PARD3B: variants seen among roughly 807,000 people sequenced by gnomAD.
PARD3B encodes par-3 family cell polarity regulator beta.
Under a neutral mutation model 130.2 loss-of-function variants are expected in PARD3B, and 103 were observed. That is an observed-to-expected ratio of 0.79 (90% confidence interval 0.67 to 0.93). The LOEUF is 0.93. Ranked by LOEUF, PARD3B falls within the 40% of genes least tolerant of loss-of-function variation. The pLI, the probability that PARD3B is intolerant of heterozygous loss-of-function variation, is 0.00. For synonymous variants in PARD3B, 583 were observed against 553.2 expected, an observed-to-expected ratio of 1.05 and a Z score of -0.76; for missense variants, 1,609 against 1,499.2, an observed-to-expected ratio of 1.07 and a Z score of -1.21.
chr2:204,587,004 T>C (rs2032854492), intron 1 of PARD3B, among the ~76,000 whole-genome samples: 1 of 152,174 alleles, frequency 6.6e-6, no homozygotes, highest in African/African-American at 2.4e-5. Flanking sequence ...TGCTAGATAA[T>C]GGCACAAAAC....
intron 19 of PARD3B, among the ~76,000 whole-genome samples, chr2:205,429,559 C>G (rs896502636): frequency 6.6e-6 from 1 of 152,070 alleles, no homozygotes; most frequent in Non-Finnish European, 1.5e-5. Context: ...AGTTTGTCTC[C>G]TTAGCATTAC....
intron 1 of PARD3B, among the ~76,000 whole-genome samples, chr2:204,607,965 T>A (rs2033786559): frequency 6.6e-6 from 1 of 152,164 alleles, no homozygotes. Flanking sequence ...GAACCCTCAG[T>A]CTAGAATGAT....
At chr2:205,396,399 C>G (rs552919843) in intron 18 of PARD3B, among the ~76,000 whole-genome samples, 1 of 152,152 alleles carries the variant, frequency 6.6e-6, no homozygotes. Context: ...CTAGTGGATA[C>G]CTAATAAATA....
rs1363516764 is a variant in PARD3B at position 205,550,579 on chromosome 2, T to G, written c.3181-2745T>G. ...CTCCAGGCCTCACCTGTGCTACTGC[T>G]GATAACATCCTGAATGGCACTTGAA... On this transcript the variant is annotated intron_variant, in intron 21 of 22. Transcript: ENST00000406610. The surrounding 1 kb of genome is among the most constrained non-coding windows in gnomAD (Gnocchi z 4.5). Among the ~76,000 whole-genome samples, 1 of 152,178 alleles carries G rather than the reference T, an allele frequency of 6.6e-6. No individual in the cohort carries two copies. Among genetic ancestry groups the G allele is most frequent in the Non-Finnish European group, 1.5e-5 (1 of 68,046 alleles).
At chr2:204,736,830 T>C (rs1303974517) in intron 2 of PARD3B, among the ~76,000 whole-genome samples, 1 of 152,210 alleles carries the variant, frequency 6.6e-6, no homozygotes, top group Non-Finnish European at 1.5e-5. Flanking sequence ...TAGATCTACT[T>C]TTATCTCTTT....
intron 16 of PARD3B, among the ~76,000 whole-genome samples, chr2:205,271,481 A>T (rs77777387): frequency 0.013 from 1,919 of 152,330 alleles, 48 homozygotes; most frequent in African/African-American, 0.044. Context: ...TGCCATACAT[A>T]TACACACACA....
chr2:204,744,556 G>T (rs2040138980), intron 2 of PARD3B, among the ~76,000 whole-genome samples: 2 of 152,150 alleles, frequency 1.3e-5, no homozygotes, highest in Admixed American at 6.6e-5. Context: ...GAGAGAGAGG[G>T]TTTAATGGCT....
At chr2:204,893,758 A>T (rs13033719) in intron 2 of PARD3B, among the ~76,000 whole-genome samples, 4 of 152,040 alleles carry the variant, frequency 2.6e-5, no homozygotes, top group Non-Finnish European at 4.4e-5. Context: ...TAGCCACATC[A>T]CAAGTGTTCA....
intron 1 of PARD3B, among the ~76,000 whole-genome samples, chr2:204,594,134 G>C (rs1302808363): frequency 6.6e-6 from 1 of 152,144 alleles, no homozygotes; most frequent in African/African-American, 2.4e-5. Flanking sequence ...AAAGGAGTTG[G>C]CAAGGTTATC....
At chr2:205,319,678 A>G (rs1343741648) in intron 18 of PARD3B, among the ~76,000 whole-genome samples, 1 of 152,118 alleles carries the variant, frequency 6.6e-6, no homozygotes, top group Non-Finnish European at 1.5e-5. Flanking sequence ...TTGGGCACCA[A>G]ATTTGCTGCT....
intron 2 of PARD3B, among the ~76,000 whole-genome samples, chr2:204,804,259 A>G (rs1368337739): frequency 6.6e-6 from 1 of 152,100 alleles, no homozygotes; most frequent in Non-Finnish European, 1.5e-5. Flanking sequence ...CAAGAAACAC[A>G]GTTTACCTAT....
chr2:204,570,425 G>T (rs553307854), intron 1 of PARD3B, among the ~76,000 whole-genome samples: 1 of 152,332 alleles, frequency 6.6e-6, no homozygotes, highest in South Asian at 2.1e-4. Context: ...GCAAAGAACA[G>T]CTTGACAGTT....
chr2:204,613,250 T>G (rs2033995473), intron 1 of PARD3B, among the ~76,000 whole-genome samples: 1 of 152,210 alleles, frequency 6.6e-6, no homozygotes, highest in Non-Finnish European at 1.5e-5. Context: ...GTTGAAGTCA[T>G]TCTCTTTCAG....
At chr2:204,830,484 TGAG>T (rs1191139770) in intron 2 of PARD3B, among the ~76,000 whole-genome samples, 1 of 152,204 alleles carries the variant, frequency 6.6e-6, no homozygotes, top group African/African-American at 2.4e-5. Context: ...AGAGGAGAAT[TGAG>T]GAAAATTAGC....
chr2:205,467,731 G>C (rs2048680677), intron 20 of PARD3B, among the ~76,000 whole-genome samples: 1 of 152,124 alleles, frequency 6.6e-6, no homozygotes, highest in African/African-American at 2.4e-5. Flanking sequence ...ACTTCCAGTG[G>C]GAGCTGATGC....
chr2:204,720,008 G>A (rs893417430), intron 2 of PARD3B, among the ~76,000 whole-genome samples: 3 of 151,850 alleles, frequency 2.0e-5, no homozygotes, highest in African/African-American at 7.3e-5. Flanking sequence ...TCCTTTTTTT[G>A]AGGTTTCTTT....
At chr2:204,842,151 T>C (rs2044280794) in intron 2 of PARD3B, among the ~76,000 whole-genome samples, 1 of 152,164 alleles carries the variant, frequency 6.6e-6, no homozygotes, top group Non-Finnish European at 1.5e-5. Flanking sequence ...TGTATATTCC[T>C]GTGTGTGAAC....
chr2:204,575,829 G>A (rs1446594262), intron 1 of PARD3B, among the ~76,000 whole-genome samples: 1 of 152,184 alleles, frequency 6.6e-6, no homozygotes, highest in Non-Finnish European at 1.5e-5. Context: ...TTGTTCAGTA[G>A]AATCAGTCTT....
chr2:205,349,816 TTTTTA>T (rs928670579), intron 18 of PARD3B, among the ~76,000 whole-genome samples: 30 of 148,338 alleles, frequency 2.0e-4, no homozygotes, highest in Middle Eastern at 3.4e-3. Context: ...TTTTTTTTTT[TTTTTA>T]AAAAAAGAGG....
Sources: allele counts gnomAD v4.1 joint callset (sites outside exome capture counted in the v4.1 genomes callset), GRCh38; gene constraint gnomAD v4.1.1; non-coding constraint Gnocchi (gnomAD v3.1); transcripts MANE v1.5; gene names NCBI Gene and HGNC (gene_info 2026-07-23, HGNC 2026-07-21).